The following DCC variants were observed in gnomAD, a reference collection of about 807,000 sequenced individuals.
The protein encoded by DCC is DCC netrin 1 receptor.
A neutral mutation model predicts 172.5 loss-of-function variants in DCC; 58 were observed. The observed-to-expected ratio is 0.34, with a 90% CI of 0.27 to 0.42. The LOEUF (loss-of-function observed/expected upper bound fraction) is 0.42, where lower values mean the gene tolerates loss of function less well. Ranked by LOEUF, DCC falls within the 10% of genes least tolerant of loss-of-function variation. DCC has a pLI of 1.00. For synonymous variants in DCC, 709 were observed against 644.5 expected, an observed-to-expected ratio of 1.10 and a Z score of -1.52; for missense variants, 1,740 against 1,791.0, an observed-to-expected ratio of 0.97 and a Z score of 0.51.
intron 25 of DCC, among the ~76,000 whole-genome samples, chr18:53,481,989 G>A (rs180989091): frequency 2.4e-4 from 37 of 152,186 alleles, no homozygotes; most frequent in African/African-American, 8.2e-4. Flanking sequence ...TGATGATATC[G>A]CTCTCTGAGC....
intron 2 of DCC, among the ~76,000 whole-genome samples, chr18:52,844,310 A>C (rs2038851086): frequency 9.2e-6 from 1 of 109,108 alleles, no homozygotes; most frequent in Admixed American, 1.1e-4. Flanking sequence ...ATAGGTAGAT[A>C]CATAGATAGG....
chr18:53,157,326 C>A (rs112532473), intron 7 of DCC, 30 bp from the exon 8 acceptor site: 2 of 1,613,636 alleles, frequency 1.2e-6, no homozygotes, highest in African/African-American at 1.3e-5. Flanking sequence ...GCAGCGACAC[C>A]TCTGATAGCC....
chr18:53,228,730 T>C (rs1351774169), intron 12 of DCC, among the ~76,000 whole-genome samples: 1 of 152,088 alleles, frequency 6.6e-6, no homozygotes, highest in Non-Finnish European at 1.5e-5. Flanking sequence ...AGCTGAACCT[T>C]GGAGAAAGGA....
intron 12 of DCC, among the ~76,000 whole-genome samples, chr18:53,231,698 G>T (rs1462595027): frequency 6.6e-6 from 1 of 152,066 alleles, no homozygotes; most frequent in Non-Finnish European, 1.5e-5. Flanking sequence ...ACTTTTAACT[G>T]TGTGGGTGTT....
chr18:53,361,320 C>A (rs2057943719), intron 15 of DCC, among the ~76,000 whole-genome samples: 1 of 152,114 alleles, frequency 6.6e-6, no homozygotes, highest in South Asian at 2.1e-4. Flanking sequence ...TCTAGAAAAT[C>A]AATACAAAAC....
At chr18:53,114,494 G>T (rs2043382155) in intron 7 of DCC, among the ~76,000 whole-genome samples, 1 of 151,496 alleles carries the variant, frequency 6.6e-6, no homozygotes, top group Non-Finnish European at 1.5e-5. Context: ...GTTAGCTTCA[G>T]CATATTTTAA....
chr18:53,294,501 T>G (rs12969090), intron 12 of DCC, among the ~76,000 whole-genome samples: 23,352 of 152,156 alleles, frequency 0.15, 2,511 homozygotes, highest in African/African-American at 0.3. Flanking sequence ...GAGCGCTAAA[T>G]CAGGTAACAT....
At chr18:53,078,396 C>G (rs1489780767) in intron 7 of DCC, among the ~76,000 whole-genome samples, 4 of 152,096 alleles carry the variant, frequency 2.6e-5, no homozygotes, top group Non-Finnish European at 5.9e-5. Flanking sequence ...AACATTAAGT[C>G]TTTAAAGTTA....
chr18:53,269,632 G>T (rs62097980), intron 12 of DCC, among the ~76,000 whole-genome samples: 2 of 152,104 alleles, frequency 1.3e-5, no homozygotes, highest in East Asian at 1.9e-4. Flanking sequence ...ATGCTAAGTC[G>T]TCTATGTATA....
chr18:53,312,984 AGGGAGGGAGGAGGGAGGAAG>A (rs2057295999), intron 13 of DCC, among the ~76,000 whole-genome samples: 1 of 78,550 alleles, frequency 1.3e-5, no homozygotes. Flanking sequence ...GGAAGGGAGG[AGGGAGGGAGGAGGGAGGAAG>A]GAAGGGAGGA....
chr18:52,556,760 C>T (rs557839820), intron 1 of DCC, among the ~76,000 whole-genome samples: 2 of 152,004 alleles, frequency 1.3e-5, no homozygotes, highest in African/African-American at 4.8e-5. Flanking sequence ...CACATACTCC[C>T]ATAAAGGGAG....
chr18:53,245,422 G>C (rs2056354047), intron 12 of DCC, among the ~76,000 whole-genome samples: 1 of 152,116 alleles, frequency 6.6e-6, no homozygotes, highest in Non-Finnish European at 1.5e-5. Context: ...GTGTGGAAAA[G>C]TAACATCACC....
At chr18:53,215,900 G>A (rs918331529) in intron 12 of DCC, among the ~76,000 whole-genome samples, 9 of 152,114 alleles carry the variant, frequency 5.9e-5, no homozygotes, top group Non-Finnish European at 8.8e-5. Context: ...CATCTGCTTC[G>A]TCTATATTCA....
intron 15 of DCC, among the ~76,000 whole-genome samples, chr18:53,347,820 A>G (rs2057743002): frequency 6.6e-6 from 1 of 152,068 alleles, no homozygotes; most frequent in African/African-American, 2.4e-5. Flanking sequence ...GTGCAGAGAA[A>G]CGCCCCTTTA....
intron 7 of DCC, among the ~76,000 whole-genome samples, chr18:53,068,811 G>GTT (rs2042612063): frequency 6.6e-6 from 1 of 151,034 alleles, no homozygotes; most frequent in East Asian, 1.9e-4. Flanking sequence ...GTGTATGTGT[G>GTT]TGTGTGTTGC....
chr18:53,024,016 G>T (rs1016000633), intron 5 of DCC, among the ~76,000 whole-genome samples: 12 of 152,112 alleles, frequency 7.9e-5, no homozygotes, highest in African/African-American at 2.9e-4. Flanking sequence ...GGGATGTTTT[G>T]CCTATTAGAT....
chr18:52,890,682 G>A (rs191525114), intron 2 of DCC, among the ~76,000 whole-genome samples: 2 of 152,180 alleles, frequency 1.3e-5, no homozygotes, highest in East Asian at 1.9e-4. Flanking sequence ...CAGTTCCATA[G>A]CAATTTTCCA....
chr18:53,300,184 A>T (rs559722864), intron 12 of DCC, among the ~76,000 whole-genome samples: 2 of 152,312 alleles, frequency 1.3e-5, no homozygotes, highest in East Asian at 3.9e-4. Flanking sequence ...CATTATTTAC[A>T]GATTCTGTAG....
chr18:52,590,200 T>A (rs2033769375), intron 1 of DCC, among the ~76,000 whole-genome samples: 2 of 151,884 alleles, frequency 1.3e-5, no homozygotes, highest in African/African-American at 2.4e-5. Context: ...TATTTTAAAT[T>A]TGGATTAAAA....
Sources: gnomAD v4.1 joint callset for allele counts (sites outside exome capture counted in the v4.1 genomes callset) on GRCh38, gnomAD v4.1.1 for gene constraint, MANE v1.5 for transcripts, NCBI Gene and HGNC (gene_info 2026-07-23, HGNC 2026-07-21) for gene names.